Variants in RHBDL1 observed in about 807,000 individuals in gnomAD.
The protein encoded by RHBDL1 is rhomboid-related protein 1.
A neutral mutation model predicts 34.0 loss-of-function variants in RHBDL1; 21 were observed. The observed-to-expected ratio is 0.62, with a 90% CI of 0.44 to 0.89. The LOEUF (loss-of-function observed/expected upper bound fraction) is 0.89, where lower values mean the gene tolerates loss of function less well. RHBDL1 is among the 40% of genes least tolerant of loss of function. The pLI is 0.00. For synonymous variants in RHBDL1, 268 were observed against 234.8 expected, an observed-to-expected ratio of 1.14 and a Z score of -1.29; for missense variants, 450 against 530.6, an observed-to-expected ratio of 0.85 and a Z score of 1.49.
intron 1 of RHBDL1, 58 bp downstream of exon 1, chr16:675,887 C>T (rs1170935596): frequency 7.5e-6 from 11 of 1,459,790 alleles, no homozygotes; most frequent in Non-Finnish European, 9.1e-6. Flanking sequence ...CCTCCTGCCG[C>T]TGAGCTGAGC....
chr16:677,407 C>A lies in RHBDL1; in HGVS notation c.688+19C>A, dbSNP rs1360727166. ...CTGGCAGGTGAGGCAGGCGCGCACCCCCGCCCCCTGCCCTGGCCGGCTGCA... is the reference window on the plus strand; with the variant it reads ...CTGGCAGGTGAGGCAGGCGCGCACCACCGCCCCCTGCCCTGGCCGGCTGCA... On this transcript the variant is annotated intron_variant, in intron 5 of 7. Transcript: ENST00000352681. 1 of 1,569,814 alleles carries A rather than the reference C, an allele frequency of 6.4e-7. No homozygotes were observed. Among genetic ancestry groups the A allele is most frequent in the Non-Finnish European group, 8.6e-7 (1 of 1,160,360 alleles).
At position 675,775 on chromosome 16, in the gene RHBDL1, C is replaced by G; in HGVS notation, c.-16C>G. On this transcript the variant is annotated 5_prime_UTR_variant, in exon 1 of 8. Transcript: ENST00000352681. ...CGCGGCCGCCGACCCCGGACCCCGG[C>G]CCCCGGCCAGGCTCTATGGACAGGA... 7.5e-6 allele frequency: 11 copies of G among 1,457,486 alleles called. No individual in the cohort carries two copies. Among genetic ancestry groups the G allele is most frequent in the Non-Finnish European group, 1.0e-5 (11 of 1,104,106 alleles). 90.3% of individuals were successfully genotyped at this position (1,457,486 alleles called of 1,614,324 possible).
Position 676,638 on chromosome 16 carries a change from G to C in RHBDL1, c.202-34G>C. On this transcript the variant is annotated intron_variant, in intron 2 of 7. Transcript: ENST00000352681. This position sits in a 1 kb window ranked among gnomAD's most constrained non-coding sequence, Gnocchi z 6.9. ...CTCACAGGCAGGGGTGCCATGGGGA[G>C]GTCCGTGGCCCACACTCAGGCCCCT... 1 of 1,601,970 alleles carries C rather than the reference G, an allele frequency of 6.2e-7. No homozygotes were observed.
Position 677,444 on chromosome 16 carries a change from C to T in RHBDL1, c.689-15C>T, listed in dbSNP as rs548323669. On this transcript the variant is annotated splice_polypyrimidine_tract_variant and intron_variant, in intron 5 of 7. Coordinates refer to ENST00000352681, the MANE Select transcript of RHBDL1 (RefSeq NM_001278720.2). ...CCTGGCCGGCTGCACCCTCACCCGC[C>T]GCTTGCTCACACAGGCTCCCTAACC... 9.4e-6 allele frequency: 15 copies of T among 1,597,928 alleles called. No homozygotes were observed. The highest frequency in any genetic ancestry group is 5.6e-5 in the South Asian group (5 of 89,382).
rs777360612 is a variant in RHBDL1, at chr16:677,834, G to A, written c.904G>A (p.Ala302Thr). 41 of 1,583,854 alleles carry A rather than the reference G, an allele frequency of 2.6e-5. No individual in the cohort carries two copies. Among genetic ancestry groups the A allele is most frequent in the East Asian group, 9.1e-5 (4 of 43,990 alleles). ...VWLRFSPPLP[A>T]SGPQPSFMAH... Reference sequence around the variant, plus strand: ...GCTGCGCTTCTCCCCGCCGCTGCCCGCCTCGGGCCCACAGCCCAGCTTCAT... The same window carrying A: ...GCTGCGCTTCTCCCCGCCGCTGCCCACCTCGGGCCCACAGCCCAGCTTCAT... The change falls in exon 8 of 8, where the codon GCC becomes ACC. Residue 302 changes from alanine to threonine, a missense_variant. Transcript: ENST00000352681.
rs1252179571 is a variant in RHBDL1, at chr16:677,679, TG to T, written c.832del (p.Val278CysfsTer7). The T allele has an allele frequency of 6.4e-7, 1 of 1,553,086 alleles. No homozygotes were observed. Among genetic ancestry groups the T allele is most frequent in the Non-Finnish European group, 8.7e-7 (1 of 1,147,184 alleles). ...GMRCPYKLLR[M>X]VLALVCMSSE... Reference sequence around the variant, plus strand: ...AGATGTCCCTACAAGTTGCTGAGGATGGTGCTGGCCTTGGTGTGCAGTGAGT... The same window carrying T: ...AGATGTCCCTACAAGTTGCTGAGGATGTGCTGGCCTTGGTGTGCAGTGAGT... On this transcript the variant is annotated frameshift_variant, in exon 7 of 8. Transcript: ENST00000352681. LOFTEE classifies it low-confidence loss of function (END_TRUNC).
Position 676,031 on chromosome 16 carries a change from GGGGA to G in RHBDL1, c.39+226_39+229del, listed in dbSNP as rs561817432. 3,488 of 1,357,366 alleles carry G rather than the reference GGGGA, an allele frequency of 2.6e-3. 9 individuals carry two copies. Among genetic ancestry groups the G allele is most frequent in the Admixed American group, 4.0e-3 (131 of 32,880 alleles). 84.1% of individuals were successfully genotyped at this position (1,357,366 alleles called of 1,614,324 possible). ...TCCTGGCTGGAGAAGGGAGAGTCGG[GGGGA>G]GGGAGGGAGGGAGGGAGGGAGGGCG... On this transcript the variant is annotated intron_variant, in intron 1 of 7. Transcript: ENST00000352681. This position sits in a 1 kb window ranked among gnomAD's most constrained non-coding sequence, Gnocchi z 6.9.
Position 677,263 on chromosome 16 carries a change from T to C in RHBDL1, c.576-13T>C. 1 of 1,560,788 alleles carries C rather than the reference T, an allele frequency of 6.4e-7. No individual in the cohort carries two copies. Among genetic ancestry groups the C allele is most frequent in the Non-Finnish European group, 8.7e-7 (1 of 1,153,246 alleles). ...ACCCCACCCTTCGTACCCGTTTGCT[T>C]CCCTGTGGCCAGGCTGGAGCAGCTG... On this transcript the variant is annotated splice_polypyrimidine_tract_variant and intron_variant, in intron 4 of 7. Coordinates refer to ENST00000352681, the MANE Select transcript of RHBDL1 (RefSeq NM_001278720.2).
rs912955006 is a variant in RHBDL1 at position 675,757 on chromosome 16, G to A, written c.-34G>A. The A allele has an allele frequency of 7.4e-5, 106 of 1,423,686 alleles. No individual in the cohort carries two copies. Among genetic ancestry groups the A allele is most frequent in the Non-Finnish European group, 8.9e-5 (96 of 1,079,740 alleles). The allele number at this position is 1,423,686 out of a possible 1,614,324, so 88.2% of individuals were successfully genotyped here. A position where few individuals can be genotyped will look rare whatever the true frequency, so the allele number is the denominator to read the frequency against. Reference sequence around the variant, plus strand: ...AGAGCAGCCCCTCCCGGCCGCGGCCGCCGACCCCGGACCCCGGCCCCCGGC... The same window carrying A: ...AGAGCAGCCCCTCCCGGCCGCGGCCACCGACCCCGGACCCCGGCCCCCGGC... On this transcript the variant is annotated 5_prime_UTR_variant, in exon 1 of 8. Transcript: ENST00000352681.
Position 677,951 on chromosome 16 carries a change from T to A in RHBDL1, c.1021T>A (p.Trp341Arg), listed in dbSNP as rs761530800. ...GCGCCTGCGGGACCAGTGCGGCTGG[T>A]GGGTGGTGCTGCTGGCCTACGGCAC... ...EERLRDQCGW[W>R]VVLLAYGTFL... The change falls in exon 8 of 8, where the codon TGG (tryptophan) becomes AGG (arginine). Residue 341 changes from tryptophan (W) to arginine (R), a missense_variant. Physicochemically the swap from Trp to Arg is moderately radical, Grantham distance 101. Transcript: ENST00000352681. 1 of 1,602,288 alleles carries A rather than the reference T, an allele frequency of 6.2e-7. No individual in the cohort carries two copies. The highest frequency in any genetic ancestry group is 1.7e-4 in the Middle Eastern group (1 of 6,046).
Position 677,369 on chromosome 16 carries a change from C to T in RHBDL1, c.669C>T (p.Tyr223=), listed in dbSNP as rs1423989674. The T allele has an allele frequency of 6.4e-7, 1 of 1,574,676 alleles. No individual in the cohort carries two copies. Among genetic ancestry groups the T allele is most frequent in the East Asian group, 2.4e-5 (1 of 42,396 alleles). Residue 223 remains tyrosine (Y), a synonymous_variant, in exon 5 of 8, where the codon TAC becomes TAT. Transcript: ENST00000352681. ...GCCTGCTCCGCATCAGCCTGCTCTA[C>T]CTGGCAGGCGTGCTGGCAGGTGAGG... ...VHGLLRISLL[Y]LAGVLAGSLT...
intron 1 of RHBDL1, 79 bp downstream of exon 1, chr16:675,908 C>T (rs1379222171): frequency 1.4e-6 from 2 of 1,428,888 alleles, no homozygotes; most frequent in South Asian, 2.8e-5. Flanking sequence ...TTGTGCGGGA[C>T]CGAGCTCCCC....
chr16:676,950 G>T lies in RHBDL1; in HGVS notation c.427-21G>T. 1 of 1,611,844 alleles carries T rather than the reference G, an allele frequency of 6.2e-7. No individual in the cohort carries two copies. On this transcript the variant is annotated intron_variant, in intron 3 of 7. Coordinates refer to ENST00000352681, the MANE Select transcript of RHBDL1 (RefSeq NM_001278720.2). The surrounding 1 kb of genome is among the most constrained non-coding windows in gnomAD (Gnocchi z 6.9). ...CCTCCCGCGCTCCTGGCCATGACCA[G>T]CCTAACACTCGTGTCCCCAGATCAT...
chr16:677,231 A>G, intron 4 of RHBDL1, 45 bp from the exon 5 acceptor site: 1 of 1,551,804 alleles, frequency 6.4e-7, no homozygotes, highest in South Asian at 1.2e-5. Context: ...GTGGGGCCGG[A>G]TGGCTGACCC....
intron 7 of RHBDL1, 26 bp downstream of exon 7, chr16:677,725 G>C (rs751854765): frequency 3.9e-6 from 6 of 1,522,648 alleles, no homozygotes; most frequent in African/African-American, 1.4e-5. Flanking sequence ...GGGGAGGGCC[G>C]GGGGGCCTCT....
intron 7 of RHBDL1, 30 bp from the exon 8 acceptor site, chr16:677,751 G>T: frequency 6.6e-7 from 1 of 1,520,622 alleles, no homozygotes; most frequent in Non-Finnish European, 8.8e-7. Context: ...TGCAGCCAGG[G>T]CACCTCCCAC....
In RHBDL1 at chr16:676,563, T is replaced by C. The variant is rs538251744; in HGVS notation, c.201+66T>C. ...TGGCCAGAGGAGGCGGGCAGGCAGCTCCTCACGGCGGTGGGTGGGGGGCTT... is the reference window on the plus strand; with the variant it reads ...TGGCCAGAGGAGGCGGGCAGGCAGCCCCTCACGGCGGTGGGTGGGGGGCTT... On this transcript the variant is annotated intron_variant, in intron 2 of 7. Transcript: ENST00000352681. The surrounding 1 kb of genome is among the most constrained non-coding windows in gnomAD (Gnocchi z 6.9). 1.3e-4 allele frequency: 206 copies of C among 1,568,772 alleles called. 2 individuals carry two copies. In the South Asian group the frequency reaches 2.1e-3, roughly 16 times the overall value.
intron 1 of RHBDL1, 104 bp downstream of exon 1, chr16:675,933 G>T (rs889034782): frequency 4.2e-6 from 6 of 1,418,472 alleles, no homozygotes; most frequent in Non-Finnish European, 5.6e-6. Flanking sequence ...GCCCCGCTCG[G>T]TACCTACCTC....
At position 677,980 on chromosome 16, in the gene RHBDL1, C is replaced by T. The variant is rs1271158424; in HGVS notation, c.1050C>T (p.Phe350=). 6.2e-7 allele frequency: 1 copy of T among 1,601,728 alleles called. No individual in the cohort carries two copies. The highest frequency in any genetic ancestry group is 8.5e-7 in the Non-Finnish European group (1 of 1,179,380). The change falls in exon 8 of 8, where the codon TTC becomes TTT. Residue 350 remains phenylalanine (F), a synonymous_variant. Coordinates refer to ENST00000352681, the MANE Select transcript of RHBDL1 (RefSeq NM_001278720.2). ...TGGTGCTGCTGGCCTACGGCACCTT[C>T]CTGCTCTTCGCCGTCTTCTGGAACG... ...WWVVLLAYGT[F]LLFAVFWNVF...
Sources: gnomAD v4.1 joint callset for allele counts on GRCh38, gnomAD v4.1.1 for gene constraint, Gnocchi (gnomAD v3.1) non-coding constraint, MANE v1.5 for transcripts, NCBI Gene and HGNC (gene_info 2026-07-23, HGNC 2026-07-21) for gene names.